The following LPAR6 variants were observed in gnomAD, a reference collection of about 807,000 sequenced individuals.
The protein encoded by LPAR6 is lysophosphatidic acid receptor 6.
A neutral mutation model predicts 22.0 loss-of-function variants in LPAR6; 17 were observed. The ratio of observed to expected loss-of-function variants is 0.77; its 90% CI spans 0.53 to 1.16. The LOEUF (loss-of-function observed/expected upper bound fraction) is 1.16. Ranked by LOEUF, LPAR6 falls within the 50% of genes most tolerant of loss-of-function variation. The probability of loss-of-function intolerance (pLI) is 0.00; values close to 1 mark genes in which losing one functional copy is unlikely to be tolerated. For synonymous variants in LPAR6, 136 were observed against 139.8 expected (o/e 0.97, Z 0.19); for missense variants, 384 against 406.9 (o/e 0.94, Z 0.48).
chr13:48,394,309 G>A (rs1948631624), intron 1 of LPAR6, among the ~76,000 whole-genome samples: 1 of 152,186 alleles, frequency 6.6e-6, no homozygotes, highest in African/African-American at 2.4e-5. Flanking sequence ...TGGGTTTCAA[G>A]CACAAAACTG....
At chr13:48,389,978 C>A (rs1171998938) in intron 1 of LPAR6, among the ~76,000 whole-genome samples, 1 of 152,082 alleles carries the variant, frequency 6.6e-6, no homozygotes, top group East Asian at 1.9e-4. Context: ...CATAGGGAGA[C>A]CCTGTCTCTA....
At chr13:48,396,076 G>A (rs1948645713) in intron 1 of LPAR6, among the ~76,000 whole-genome samples, 2 of 152,196 alleles carry the variant, frequency 1.3e-5, no homozygotes, top group Admixed American at 1.3e-4. Flanking sequence ...ACTGCCCACA[G>A]TAATTTATAG....
intron 1 of LPAR6, among the ~76,000 whole-genome samples, chr13:48,437,245 T>C (rs1040627363): frequency 6.6e-6 from 1 of 152,100 alleles, no homozygotes. Context: ...TTAATTTGAG[T>C]AGATAAGTAA....
intron 1 of LPAR6, among the ~76,000 whole-genome samples, chr13:48,440,243 A>G (rs1949223970): frequency 6.6e-6 from 1 of 152,226 alleles, no homozygotes; most frequent in Non-Finnish European, 1.5e-5. Flanking sequence ...ACAGTATAAA[A>G]TATAACCGAA....
At chr13:48,410,944 T>A (rs544378008), downstream of LPAR6, 1 of 152,314 alleles carries the variant, frequency 6.6e-6, no homozygotes, top group Non-Finnish European at 1.5e-5. Context: ...TCTTTCTCAT[T>A]TGTTAATCAT....
At chr13:48,431,882 C>T (rs1386240156), upstream of LPAR6, among the ~76,000 whole-genome samples, 1 of 152,126 alleles carries the variant, frequency 6.6e-6, no homozygotes, top group Non-Finnish European at 1.5e-5. Context: ...TCTGGGTCAA[C>T]TGATACTTAT....
intron 1 of LPAR6, among the ~76,000 whole-genome samples, chr13:48,425,997 T>C (rs1034594868): frequency 1.3e-5 from 2 of 152,294 alleles, no homozygotes; most frequent in South Asian, 4.1e-4. Context: ...CCCAGTTCCT[T>C]ATACATGTTT....
upstream of LPAR6, among the ~76,000 whole-genome samples, chr13:48,430,879 T>C (rs1949123330): frequency 6.6e-6 from 1 of 152,172 alleles, no homozygotes; most frequent in Non-Finnish European, 1.5e-5. Flanking sequence ...CAGTAGGCCA[T>C]GCCACTGTAC....
intron 1 of LPAR6, among the ~76,000 whole-genome samples, chr13:48,402,852 G>C (rs1948705534): frequency 6.6e-6 from 1 of 151,852 alleles, no homozygotes; most frequent in Admixed American, 6.6e-5. Context: ...CAATAATTTT[G>C]GCCATTAGCA....
At chr13:48,413,623 A>G (rs559535191), upstream of LPAR6, among the ~76,000 whole-genome samples, 1 of 152,206 alleles carries the variant, frequency 6.6e-6, no homozygotes, top group Admixed American at 6.5e-5. Flanking sequence ...AATTGTTATC[A>G]TTATGAGTAG....
chr13:48,440,156 T>TA (rs1949223017), intron 1 of LPAR6, among the ~76,000 whole-genome samples: 1 of 152,178 alleles, frequency 6.6e-6, no homozygotes, highest in Non-Finnish European at 1.5e-5. Flanking sequence ...CATGCATGTT[T>TA]AATAAAGCTT....
intron 1 of LPAR6, chr13:48,439,563 C>T (rs1949216267): frequency 6.6e-6 from 1 of 152,136 alleles, no homozygotes; most frequent in Admixed American, 6.6e-5. Context: ...AATTAATCCT[C>T]ATAAACTAAA....
At chr13:48,410,448 C>A (rs1032518932), downstream of LPAR6, among the ~76,000 whole-genome samples, 1 of 152,090 alleles carries the variant, frequency 6.6e-6, no homozygotes, top group Non-Finnish European at 1.5e-5. Flanking sequence ...GTTTGCACGA[C>A]ATAATTACCT....
chr13:48,408,086 G>A (rs1028590190), downstream of LPAR6, among the ~76,000 whole-genome samples: 10 of 151,978 alleles, frequency 6.6e-5, no homozygotes, highest in Admixed American at 6.5e-4. Flanking sequence ...GGAATATGAA[G>A]TTTGCTCCAT....
intron 1 of LPAR6, among the ~76,000 whole-genome samples, chr13:48,439,235 A>T (rs571808527): frequency 3.4e-4 from 52 of 152,328 alleles, no homozygotes; most frequent in Non-Finnish European, 5.9e-4. Context: ...TATCTACTTT[A>T]TGGACGTATT....
intron 1 of LPAR6, among the ~76,000 whole-genome samples, chr13:48,396,220 G>A (rs1210245777): frequency 6.6e-6 from 1 of 152,092 alleles, no homozygotes; most frequent in East Asian, 1.9e-4. Context: ...CAAAGCTGGA[G>A]GCATCACGCT....
At chr13:48,438,824 G>T (rs1949208616) in intron 1 of LPAR6, among the ~76,000 whole-genome samples, 1 of 152,012 alleles carries the variant, frequency 6.6e-6, no homozygotes, top group South Asian at 2.1e-4. Flanking sequence ...GCTCTTTGAG[G>T]GTAGAATTAT....
At chr13:48,434,920 G>A (rs969463428) in intron 1 of LPAR6, among the ~76,000 whole-genome samples, 3 of 152,128 alleles carry the variant, frequency 2.0e-5, no homozygotes, top group Non-Finnish European at 4.4e-5. Context: ...TTGCTGACTA[G>A]TATTTTGTAG....
intron 1 of LPAR6, among the ~76,000 whole-genome samples, chr13:48,423,455 A>C (rs1949036124): frequency 6.6e-6 from 1 of 152,184 alleles, no homozygotes; most frequent in Non-Finnish European, 1.5e-5. Flanking sequence ...AACAGGTTGC[A>C]CAAGAAACAT....
Sources: allele counts gnomAD v4.1 joint callset (sites outside exome capture counted in the v4.1 genomes callset), GRCh38; gene constraint gnomAD v4.1.1; transcripts MANE v1.5; gene names NCBI Gene and HGNC (gene_info 2026-07-23, HGNC 2026-07-21).